Variants in CNKSR3 observed in about 807,000 individuals in gnomAD.
The protein encoded by CNKSR3 is CNKSR family member 3, also known as connector enhancer of kinase suppressor of ras 3.
A neutral mutation model predicts 67.7 loss-of-function variants in CNKSR3; 36 were observed. That is an observed-to-expected ratio of 0.53 (90% CI 0.41 to 0.70). The LOEUF (loss-of-function observed/expected upper bound fraction) is 0.70, where lower values mean the gene tolerates loss of function less well. Among genes scored for constraint, CNKSR3 ranks in the 30% least tolerant of loss-of-function variants. The pLI is 0.00. For synonymous variants in CNKSR3, 281 were observed against 271.4 expected (o/e 1.04, Z -0.35); for missense variants, 630 against 695.2 (o/e 0.91, Z 1.05).
Position 154,433,668 on chromosome 6 carries a change from G to T in CNKSR3, c.508-161C>A, listed in dbSNP as rs539762640. 15 of 616,636 alleles carry T rather than the reference G, an allele frequency of 2.4e-5. No individual in the cohort carries two copies. The African/African-American group carries it at 2.8e-4, about 11-fold the overall frequency. 38.2% of individuals were successfully genotyped at this position (616,636 alleles called of 1,614,324 possible). A position where few individuals can be genotyped will look rare whatever the true frequency, so the allele number is the denominator to read the frequency against. On this transcript the variant is annotated intron_variant, in intron 4 of 12. Transcript: ENST00000607772. ...GGACTGGGATGGGAATGAGAGGGCA[G>T]AGTGGGAACAGAGCTGACGTTTGCA...
chr6:154,461,829 T>C (rs1311928427), intron 1 of CNKSR3, among the ~76,000 whole-genome samples: 1 of 152,098 alleles, frequency 6.6e-6, no homozygotes, highest in East Asian at 1.9e-4. Flanking sequence ...TTTCCCAGAA[T>C]TGTGAAAGGA....
chr6:154,413,230 T>A (rs1187464326), intron 10 of CNKSR3, among the ~76,000 whole-genome samples: 4 of 151,988 alleles, frequency 2.6e-5, no homozygotes, highest in Non-Finnish European at 5.9e-5. Context: ...CTGTTTTTTG[T>A]TTTTTTGTTT....
chr6:154,504,837 T>C (rs1032558736), intron 1 of CNKSR3, among the ~76,000 whole-genome samples: 2 of 151,766 alleles, frequency 1.3e-5, no homozygotes, highest in South Asian at 4.2e-4. Flanking sequence ...TGAGACCCCA[T>C]CTCTGTATTA....
intron 2 of CNKSR3, among the ~76,000 whole-genome samples, chr6:154,447,439 C>G (rs190632121): frequency 8.7e-4 from 133 of 152,242 alleles, no homozygotes; most frequent in African/African-American, 3.1e-3. Flanking sequence ...AAATTGGGTA[C>G]AGATTCTAAT....
At chr6:154,504,034 T>TGCATCTCTAACAAGCTCCC (rs1245216313) in intron 1 of CNKSR3, among the ~76,000 whole-genome samples, 10 of 152,224 alleles carry the variant, frequency 6.6e-5, no homozygotes, top group African/African-American at 2.4e-4. Context: ...CCCAAGCTTC[T>TGCATCTCTAACAAGCTCCC]GCATCTCTAA....
chr6:154,459,614 C>T (rs1022583192), intron 1 of CNKSR3, among the ~76,000 whole-genome samples: 1 of 152,190 alleles, frequency 6.6e-6, no homozygotes, highest in African/African-American at 2.4e-5. Context: ...AACCCTAAAG[C>T]GCTTTCTTGT....
At position 154,388,855 on chromosome 6, in the gene CNKSR3, C is replaced by T. The variant is rs761111307; in HGVS notation, c.*17499G>A. ...TGAGAGGTTAATATCCCTATACTCT[C>T]GCAATGTGTCAACTAGCTTCTTTCA... is the stretch of plus-strand genomic sequence containing the variant. On this transcript the variant is annotated 3_prime_UTR_variant, in exon 13 of 13. Coordinates refer to ENST00000607772, the MANE Select transcript of CNKSR3 (RefSeq NM_173515.4). The T allele has an allele frequency of 1.9e-4, 29 of 152,096 alleles. No homozygotes were observed. The highest frequency in any genetic ancestry group is 5.6e-4 in the African/African-American group (23 of 41,398). The allele number at this position is 152,096 out of a possible 1,614,324, so 9.4% of individuals were successfully genotyped here.
At chr6:154,426,736 C>G (rs188731235) in intron 7 of CNKSR3, among the ~76,000 whole-genome samples, 126 of 152,216 alleles carry the variant, frequency 8.3e-4, no homozygotes, top group African/African-American at 2.9e-3. Context: ...TGCTCCAGAT[C>G]CAAGAGGGAA....
rs1784623262 is a variant in CNKSR3 at position 154,392,864 on chromosome 6, G to C, written c.*13490C>G. The C allele has an allele frequency of 1.3e-5, 2 of 152,424 alleles. No individual in the cohort carries two copies. Among genetic ancestry groups the C allele is most frequent in the Middle Eastern group, 6.8e-3 (2 of 296 alleles). The allele number at this position is 152,424 out of a possible 1,614,324, so 9.4% of individuals were successfully genotyped here. On this transcript the variant is annotated 3_prime_UTR_variant, in exon 13 of 13. Transcript: ENST00000607772. ...TTCTTTTCTGGGAAACCAACTTCTA[G>C]AACACTTTGAAATGTTAGCATTGTC...
At position 154,442,770 on chromosome 6, in the gene CNKSR3, AG is replaced by A. The variant is rs1326329251; in HGVS notation, c.217-481del. 2.6e-5 allele frequency among the ~76,000 whole-genome samples: 4 copies of A among 152,222 alleles called. No homozygotes were observed. The East Asian group carries it at 7.7e-4, about 29-fold the overall frequency. ...CCACTTCACTCACCCCACCCATATC[AG>A]CCTTCTCTCTGCTCCTTCCACAGCC... On this transcript the variant is annotated intron_variant, in intron 2 of 12. Coordinates refer to ENST00000607772, the MANE Select transcript of CNKSR3 (RefSeq NM_173515.4).
intron 2 of CNKSR3, among the ~76,000 whole-genome samples, chr6:154,447,195 C>A (rs1242525358): frequency 1.3e-5 from 2 of 152,172 alleles, no homozygotes; most frequent in Non-Finnish European, 2.9e-5. Context: ...TACTGGCCAA[C>A]AGAACTCTAT....
intron 1 of CNKSR3, among the ~76,000 whole-genome samples, chr6:154,475,648 G>A (rs1476407160): frequency 6.6e-6 from 1 of 152,146 alleles, no homozygotes; most frequent in Non-Finnish European, 1.5e-5. Flanking sequence ...TCAGTCAAAT[G>A]TCAGTCTTCT....
chr6:154,510,039 C>T (rs757575182), intron 1 of CNKSR3, 24 bp downstream of exon 1: 4 of 1,613,628 alleles, frequency 2.5e-6, no homozygotes, highest in South Asian at 2.2e-5. Flanking sequence ...TGGAGGACTC[C>T]GGACCCCCCC....
rs931348607 is a variant in CNKSR3 at position 154,397,551 on chromosome 6, A to G, written c.*8803T>C. 5.3e-5 allele frequency: 8 copies of G among 152,224 alleles called. No individual in the cohort carries two copies. Among genetic ancestry groups the G allele is most frequent in the African/African-American group, 1.9e-4 (8 of 41,456 alleles). 9.4% of individuals were successfully genotyped at this position (152,224 alleles called of 1,614,324 possible). On this transcript the variant is annotated 3_prime_UTR_variant, in exon 13 of 13. Coordinates refer to ENST00000607772, the MANE Select transcript of CNKSR3 (RefSeq NM_173515.4). ...CCATGCTTGTTTTTTCTTTTTTCCT[A>G]GGAATTAACAGTGGCAGGCCCTGGA...
At chr6:154,487,056 C>T (rs1786688751) in intron 1 of CNKSR3, among the ~76,000 whole-genome samples, 1 of 152,176 alleles carries the variant, frequency 6.6e-6, no homozygotes, top group African/African-American at 2.4e-5. Flanking sequence ...GGACTACAGG[C>T]ACGTGCCACC....
In CNKSR3 at chr6:154,415,227, C is replaced by CTTTTTTTTTTTTTTTTTTTTTTTTTTTT. The variant is rs773533317; in HGVS notation, c.946-805_946-804insAAAAAAAAAAAAAAAAAAAAAAAAAAAA. Among the ~76,000 whole-genome samples, 35 of 112,778 alleles carry CTTTTTTTTTTTTTTTTTTTTTTTTTTTT rather than the reference C, an allele frequency of 3.1e-4. 2 individuals are homozygous for CTTTTTTTTTTTTTTTTTTTTTTTTTTTT. The highest frequency in any genetic ancestry group is 4.5e-4 in the Non-Finnish European group (26 of 57,592). The allele number at this position is 112,778 out of a possible 152,430, so 74.0% of individuals were successfully genotyped here. On this transcript the variant is annotated intron_variant, in intron 9 of 12. Coordinates refer to ENST00000607772, the MANE Select transcript of CNKSR3 (RefSeq NM_173515.4). Reference sequence around the variant, plus strand: ...ATCCTGGCTAGACTTACTAGCTGCCCATTTTTTTTTTTTTTTTTTTTAAGA... The same window carrying CTTTTTTTTTTTTTTTTTTTTTTTTTTTT: ...ATCCTGGCTAGACTTACTAGCTGCCCTTTTTTTTTTTTTTTTTTTTTTTTTTTTATTTTTTTTTTTTTTTTTTTTAAGA...
intron 5 of CNKSR3, 134 bp downstream of exon 5, chr6:154,433,332 T>G (rs1016971873): frequency 8.9e-5 from 61 of 688,864 alleles, no homozygotes; most frequent in Middle Eastern, 3.3e-4. Flanking sequence ...CCACCTAAAT[T>G]TAAAAACTCA....
chr6:154,502,496 C>T (rs36026283), intron 1 of CNKSR3, among the ~76,000 whole-genome samples: 1 of 152,114 alleles, frequency 6.6e-6, no homozygotes, highest in Non-Finnish European at 1.5e-5. Flanking sequence ...CACACCCAGC[C>T]TCCCACACTT....
rs1011687375 is a variant in CNKSR3, at chr6:154,397,526, C to T, written c.*8828G>A. 7 of 152,234 alleles carry T rather than the reference C, an allele frequency of 4.6e-5. No individual in the cohort carries two copies. The highest frequency in any genetic ancestry group is 1.7e-4 in the African/African-American group (7 of 41,464). The allele number at this position is 152,234 out of a possible 1,614,324, so 9.4% of individuals were successfully genotyped here. On this transcript the variant is annotated 3_prime_UTR_variant, in exon 13 of 13. Transcript: ENST00000607772. ...ATAAAATGCCAATTTAACCAATCCACCATGCTTGTTTTTTCTTTTTTCCTA... is the reference window on the plus strand; with the variant it reads ...ATAAAATGCCAATTTAACCAATCCATCATGCTTGTTTTTTCTTTTTTCCTA...
Sources: gnomAD v4.1 joint callset for allele counts (sites outside exome capture counted in the v4.1 genomes callset) on GRCh38, gnomAD v4.1.1 for gene constraint, MANE v1.5 for transcripts, NCBI Gene and HGNC (gene_info 2026-07-23, HGNC 2026-07-21) for gene names.